Variants in KCNJ6 observed in about 807,000 individuals in gnomAD.
The protein encoded by KCNJ6 is potassium inwardly rectifying channel subfamily J member 6.
A neutral mutation model predicts 34.2 loss-of-function variants in KCNJ6; 9 were observed. The ratio of observed to expected loss-of-function variants is 0.26; its 90% CI spans 0.16 to 0.46. The LOEUF (loss-of-function observed/expected upper bound fraction) is 0.46. Ranked by LOEUF, KCNJ6 falls within the 20% of genes least tolerant of loss-of-function variation. KCNJ6 has a pLI of 1.00. For synonymous variants in KCNJ6, 196 were observed against 207.1 expected (o/e 0.95, Z 0.46); for missense variants, 236 against 531.3 (o/e 0.44, Z 5.46).
At chr21:37,626,171 C>T (rs971772036) in intron 3 of KCNJ6, among the ~76,000 whole-genome samples, 1 of 150,898 alleles carries the variant, frequency 6.6e-6, no homozygotes, top group African/African-American at 2.4e-5. Flanking sequence ...CGCTGTGTCG[C>T]CCAGGCTGGA....
chr21:37,780,993 T>C (rs2055166655), intron 2 of KCNJ6, among the ~76,000 whole-genome samples: 1 of 151,884 alleles, frequency 6.6e-6, no homozygotes, highest in Non-Finnish European at 1.5e-5. Context: ...CAACAAAGGG[T>C]CTTGGCTCCA....
chr21:37,645,737 T>G (rs1046402269), intron 3 of KCNJ6, among the ~76,000 whole-genome samples: 2 of 152,198 alleles, frequency 1.3e-5, no homozygotes, highest in African/African-American at 4.8e-5. Flanking sequence ...AGTGTTCCTT[T>G]GGTGGTAGCT....
At chr21:37,649,946 G>A (rs965572829) in intron 3 of KCNJ6, among the ~76,000 whole-genome samples, 5 of 141,504 alleles carry the variant, frequency 3.5e-5, no homozygotes, top group Non-Finnish European at 7.4e-5. Flanking sequence ...TGTATTTTTA[G>A]TAGAGACGGG....
At chr21:37,893,241 G>A (rs1328436737) in intron 1 of KCNJ6, among the ~76,000 whole-genome samples, 5 of 149,790 alleles carry the variant, frequency 3.3e-5, no homozygotes, top group Non-Finnish European at 5.9e-5. Flanking sequence ...GGAGTCTCAC[G>A]CCATCTCCCA....
intron 3 of KCNJ6, among the ~76,000 whole-genome samples, chr21:37,704,839 T>G (rs892803963): frequency 6.6e-6 from 1 of 152,134 alleles, no homozygotes; most frequent in Non-Finnish European, 1.5e-5. Flanking sequence ...GTTAAACTTT[T>G]TTTTTTCCTC....
At chr21:37,888,199 T>C (rs1330686314) in intron 1 of KCNJ6, among the ~76,000 whole-genome samples, 1 of 152,194 alleles carries the variant, frequency 6.6e-6, no homozygotes, top group Non-Finnish European at 1.5e-5. Flanking sequence ...GCGTGTGATT[T>C]TGGGGTGCTG....
chr21:37,807,969 G>A (rs1202918444), intron 2 of KCNJ6, among the ~76,000 whole-genome samples: 7 of 152,146 alleles, frequency 4.6e-5, no homozygotes, highest in Non-Finnish European at 8.8e-5. Context: ...GGTGTGACAT[G>A]CAGGGAAAGT....
intron 2 of KCNJ6, among the ~76,000 whole-genome samples, chr21:37,742,440 G>T (rs376373152): frequency 9.1e-4 from 138 of 151,906 alleles, no homozygotes; most frequent in East Asian, 4.8e-3. Flanking sequence ...TGTTTTTTTT[G>T]TTGTTGTTGT....
At chr21:37,791,548 C>A (rs961243182) in intron 2 of KCNJ6, among the ~76,000 whole-genome samples, 50 of 152,158 alleles carry the variant, frequency 3.3e-4, no homozygotes, top group Non-Finnish European at 2.9e-5. Context: ...TTTGTTGGCA[C>A]AATCTTAGTT....
rs1167203198 is a variant in KCNJ6, at chr21:37,609,559, A to G, written c.*15600T>C. 2.6e-5 allele frequency: 4 copies of G among 152,234 alleles called. No homozygotes were observed. Among genetic ancestry groups the G allele is most frequent in the Non-Finnish European group, 5.9e-5 (4 of 68,042 alleles). 9.4% of individuals were successfully genotyped at this position (152,234 alleles called of 1,614,324 possible). ...ATATAATGCCATTTTATTAGGAAAG[A>G]CAAATACAATGAATTATCTTATGAT... On this transcript the variant is annotated 3_prime_UTR_variant, in exon 4 of 4. Coordinates refer to ENST00000609713, the MANE Select transcript of KCNJ6 (RefSeq NM_002240.5).
At chr21:37,716,823 T>C (rs2054794008) in intron 2 of KCNJ6, among the ~76,000 whole-genome samples, 1 of 152,248 alleles carries the variant, frequency 6.6e-6, no homozygotes, top group South Asian at 2.1e-4. Flanking sequence ...AATCCACTTA[T>C]GAAATTATTT....
intron 2 of KCNJ6, among the ~76,000 whole-genome samples, chr21:37,788,738 A>G (rs2055203454): frequency 6.6e-6 from 1 of 152,206 alleles, no homozygotes; most frequent in African/African-American, 2.4e-5. Flanking sequence ...GAGCAGAGAT[A>G]AGCCATCCCA....
chr21:37,867,920 A>T (rs2055630971), intron 1 of KCNJ6, among the ~76,000 whole-genome samples: 1 of 152,212 alleles, frequency 6.6e-6, no homozygotes, highest in Admixed American at 6.5e-5. Context: ...TTGCACTTTC[A>T]TTAGGACTTG....
At chr21:37,761,749 T>C (rs2055066057) in intron 2 of KCNJ6, among the ~76,000 whole-genome samples, 1 of 151,712 alleles carries the variant, frequency 6.6e-6, no homozygotes, top group Non-Finnish European at 1.5e-5. Context: ...GTGTGTGGTA[T>C]GTGTGTATGT....
At chr21:37,889,512 A>C (rs2055751851) in intron 1 of KCNJ6, among the ~76,000 whole-genome samples, 1 of 152,148 alleles carries the variant, frequency 6.6e-6, no homozygotes, top group Admixed American at 6.5e-5. Flanking sequence ...GACCCTGAGA[A>C]GAAGGTTTTG....
chr21:37,643,418 G>GT (rs1162943061), intron 3 of KCNJ6, among the ~76,000 whole-genome samples: 1 of 152,184 alleles, frequency 6.6e-6, no homozygotes, highest in Non-Finnish European at 1.5e-5. Context: ...GAGTGCAGTG[G>GT]TTTCAGAGCT....
chr21:37,670,290 G>A (rs2054535555), intron 3 of KCNJ6, among the ~76,000 whole-genome samples: 11 of 152,190 alleles, frequency 7.2e-5, no homozygotes, highest in Admixed American at 7.2e-4. Flanking sequence ...GTTTTGAAAT[G>A]AGGAAGTGTG....
rs892848017 is a variant in KCNJ6 at position 37,607,451 on chromosome 21, C to T, written c.*17708G>A. On this transcript the variant is annotated 3_prime_UTR_variant, in exon 4 of 4. Coordinates refer to ENST00000609713, the MANE Select transcript of KCNJ6 (RefSeq NM_002240.5). ...TATGTAAACAGTTTCCCTAACACAG[C>T]GAGTTCTTAAAGATATATATATATA... 1 of 96,670 alleles carries T rather than the reference C, an allele frequency of 1.0e-5. No individual in the cohort carries two copies. Among genetic ancestry groups the T allele is most frequent in the South Asian group, 3.3e-4 (1 of 3,014 alleles). The allele number at this position is 96,670 out of a possible 1,614,324, so 6.0% of individuals were successfully genotyped here.
At chr21:37,747,206 C>T (rs1192271165) in intron 2 of KCNJ6, among the ~76,000 whole-genome samples, 1 of 152,130 alleles carries the variant, frequency 6.6e-6, no homozygotes, top group Non-Finnish European at 1.5e-5. Context: ...CTGTTTTTTC[C>T]CACCCCAAAA....
Sources: allele counts gnomAD v4.1 joint callset (sites outside exome capture counted in the v4.1 genomes callset), GRCh38; gene constraint gnomAD v4.1.1; transcripts MANE v1.5; gene names NCBI Gene and HGNC (gene_info 2026-07-23, HGNC 2026-07-21).